The following CFAP20DC variants were observed in gnomAD, a reference collection of about 807,000 sequenced individuals.
CFAP20DC encodes protein CFAP20DC.
A neutral mutation model predicts 101.7 loss-of-function variants in CFAP20DC; 84 were observed. The ratio of observed to expected loss-of-function variants is 0.83; its 90% CI spans 0.69 to 0.99. CFAP20DC has a LOEUF of 0.99. Ranked by LOEUF, CFAP20DC falls within the 50% of genes least tolerant of loss-of-function variation. The pLI is 0.00. For missense variants in CFAP20DC, 1,007 were observed against 970.3 expected (o/e 1.04, Z -0.50); for synonymous variants, 359 against 351.2 (o/e 1.02, Z -0.25).
rs765976640 is a variant in CFAP20DC, at chr3:58,799,725, GTGTGTGTC to G, written c.2237+6662_2237+6669del. Among the ~76,000 whole-genome samples, 532 of 130,554 alleles carry G rather than the reference GTGTGTGTC, an allele frequency of 4.1e-3. 4 individuals carry two copies. The highest frequency in any genetic ancestry group is 3.5e-3 in the Non-Finnish European group (219 of 62,722). 85.6% of individuals were successfully genotyped at this position (130,554 alleles called of 152,430 possible). A position where few individuals can be genotyped will look rare whatever the true frequency, so the allele number is the denominator to read the frequency against. On this transcript the variant is annotated intron_variant, in intron 15 of 16. Coordinates refer to ENST00000482387, the MANE Select transcript of CFAP20DC (RefSeq NM_001394063.1). The surrounding 1 kb of genome is among the most constrained non-coding windows in gnomAD (Gnocchi z 4.9). ...GAAGGAGCAGTGTGTGTGTGTCTGT[GTGTGTGTC>G]TGTGTGTGTGTGTGTGTGTGTGTGT...
At chr3:58,975,587 A>C (rs976647468) in intron 4 of CFAP20DC, among the ~76,000 whole-genome samples, 3 of 152,184 alleles carry the variant, frequency 2.0e-5, no homozygotes, top group Non-Finnish European at 2.9e-5. Flanking sequence ...GTAAAGTAAA[A>C]ATTTGCATTG....
At chr3:58,880,446 C>T (rs952383885) in intron 7 of CFAP20DC, among the ~76,000 whole-genome samples, 1 of 152,056 alleles carries the variant, frequency 6.6e-6, no homozygotes, top group Non-Finnish European at 1.5e-5. Flanking sequence ...TGAGTCAATT[C>T]CCTACTGTAC....
intron 3 of CFAP20DC, chr3:58,727,495 G>C (rs1045601878): frequency 2.0e-5 from 3 of 152,214 alleles, no homozygotes; most frequent in African/African-American, 7.3e-5. Flanking sequence ...GGAGTGCAGT[G>C]GCGCAATCTC....
At chr3:58,822,906 G>C (rs999068548) in intron 14 of CFAP20DC, among the ~76,000 whole-genome samples, 1 of 152,124 alleles carries the variant, frequency 6.6e-6, no homozygotes, top group African/African-American at 2.4e-5. Flanking sequence ...ATACTCATTT[G>C]AGAGATGCCG....
chr3:58,733,455 C>T (rs534533501), intron 3 of CFAP20DC, among the ~76,000 whole-genome samples: 2 of 152,200 alleles, frequency 1.3e-5, no homozygotes, highest in South Asian at 4.1e-4. Context: ...AATGTATTAA[C>T]AGATAAAGAT....
chr3:59,027,632 T>C (rs1186408621), intron 4 of CFAP20DC, among the ~76,000 whole-genome samples: 1 of 152,214 alleles, frequency 6.6e-6, no homozygotes, highest in Non-Finnish European at 1.5e-5. Flanking sequence ...AGAAGATGAA[T>C]ACAATTCCTG....
chr3:58,830,903 T>C (rs1377807427), intron 14 of CFAP20DC, among the ~76,000 whole-genome samples: 3 of 152,222 alleles, frequency 2.0e-5, no homozygotes, highest in Non-Finnish European at 4.4e-5. Flanking sequence ...TTTCTTGTGC[T>C]GTACTGAACT....
chr3:58,839,536 C>T (rs367547989), intron 13 of CFAP20DC, among the ~76,000 whole-genome samples: 2 of 152,160 alleles, frequency 1.3e-5, no homozygotes, highest in East Asian at 1.9e-4. Context: ...CAGCTTAGTA[C>T]CTTTTCCATG....
chr3:58,896,444 CTTGT>C (rs1321498272), intron 6 of CFAP20DC, among the ~76,000 whole-genome samples: 3 of 151,978 alleles, frequency 2.0e-5, no homozygotes, highest in African/African-American at 7.3e-5. Context: ...TTTGTTTGCT[CTTGT>C]TTCTCTAGTT....
chr3:58,810,046 T>C (rs2074477194), intron 14 of CFAP20DC, among the ~76,000 whole-genome samples: 1 of 152,128 alleles, frequency 6.6e-6, no homozygotes, highest in Admixed American at 6.6e-5. Flanking sequence ...GGCTCTGAAA[T>C]TGTGGCAATA....
intron 6 of CFAP20DC, among the ~76,000 whole-genome samples, chr3:58,907,731 TATG>T (rs1347051285): frequency 3.9e-5 from 6 of 152,198 alleles, no homozygotes; most frequent in Non-Finnish European, 4.4e-5. Context: ...GCACTGGAAA[TATG>T]ATAATAGCAT....
intron 5 of CFAP20DC, among the ~76,000 whole-genome samples, chr3:58,932,022 G>T (rs963683179): frequency 2.6e-5 from 4 of 152,066 alleles, no homozygotes; most frequent in East Asian, 1.9e-4. Flanking sequence ...TTAAAAACTT[G>T]GAAAAAAATT....
rs568492020 is a variant in CFAP20DC, at chr3:58,880,110, CA to C, written c.715+4434del. 3.7e-4 allele frequency among the ~76,000 whole-genome samples: 56 copies of C among 152,092 alleles called. 1 individual carries two copies. The highest frequency in any genetic ancestry group is 1.3e-3 in the African/African-American group (56 of 41,514). On this transcript the variant is annotated intron_variant, in intron 7 of 16. Coordinates refer to ENST00000482387, the MANE Select transcript of CFAP20DC (RefSeq NM_001394063.1). ...TCTGACATCATACAATCATTGACAT[CA>C]ATCATGAATATAGTTGGAAAATTAA...
At chr3:59,017,640 C>A (rs1206272394) in intron 4 of CFAP20DC, 4 of 152,122 alleles carry the variant, frequency 2.6e-5, no homozygotes, top group African/African-American at 9.7e-5. Context: ...TCTCATACAT[C>A]CTCCTTACAA....
At chr3:58,976,494 C>T (rs1328724410) in intron 4 of CFAP20DC, among the ~76,000 whole-genome samples, 2 of 152,114 alleles carry the variant, frequency 1.3e-5, no homozygotes, top group African/African-American at 2.4e-5. Context: ...CCTGAAAGTG[C>T]CTGGGGTGAG....
intron 15 of CFAP20DC, among the ~76,000 whole-genome samples, chr3:58,801,051 G>GAGAGAGAC (rs1491459082): frequency 8.9e-6 from 1 of 111,818 alleles, no homozygotes; most frequent in African/African-American, 3.8e-5. Flanking sequence ...GGGAGTAAGT[G>GAGAGAGAC]AGAGAGAGAG....
chr3:58,987,683 C>T (rs977033353), intron 4 of CFAP20DC, among the ~76,000 whole-genome samples: 3 of 151,860 alleles, frequency 2.0e-5, no homozygotes, highest in African/African-American at 7.2e-5. Context: ...ATATAGCTAT[C>T]TATAAACTCT....
chr3:58,817,084 C>G (rs928099508), intron 14 of CFAP20DC, among the ~76,000 whole-genome samples: 1 of 152,056 alleles, frequency 6.6e-6, no homozygotes, highest in Admixed American at 6.5e-5. Flanking sequence ...AGGGTCTTGT[C>G]TGTTAGAAGG....
intron 14 of CFAP20DC, among the ~76,000 whole-genome samples, chr3:58,819,649 A>G (rs550448472): frequency 6.8e-6 from 1 of 147,276 alleles, no homozygotes; most frequent in African/African-American, 2.5e-5. Flanking sequence ...GGCAATAATC[A>G]ATAGCTTACC....
Sources: gnomAD v4.1 joint callset for allele counts (sites outside exome capture counted in the v4.1 genomes callset) on GRCh38, gnomAD v4.1.1 for gene constraint, Gnocchi (gnomAD v3.1) non-coding constraint, MANE v1.5 for transcripts, NCBI Gene and HGNC (gene_info 2026-07-23, HGNC 2026-07-21) for gene names.